The following MPDZ variants were observed in gnomAD, a reference collection of about 807,000 sequenced individuals.
The protein encoded by MPDZ is multiple PDZ domain protein.
A neutral mutation model predicts 239.1 loss-of-function variants in MPDZ; 234 were observed. That is an observed-to-expected ratio of 0.98 (90% CI 0.88 to 1.09). The LOEUF is 1.09. MPDZ is among the 50% of genes least tolerant of loss of function. MPDZ has a pLI of 0.00. For missense variants in MPDZ, 3,175 were observed against 2,510.0 expected (o/e 1.26, Z -5.66); for synonymous variants, 1,048 against 881.3 (o/e 1.19, Z -3.35).
chr9:13,164,088 T>A (rs966586766), intron 22 of MPDZ, among the ~76,000 whole-genome samples: 1 of 152,148 alleles, frequency 6.6e-6, no homozygotes, highest in African/African-American at 2.4e-5. Flanking sequence ...GTGAGTGCTA[T>A]CACAGGTCAT....
chr9:13,108,543 C>T (rs772534237), intron 46 of MPDZ, among the ~76,000 whole-genome samples: 3 of 151,940 alleles, frequency 2.0e-5, no homozygotes, highest in Non-Finnish European at 4.4e-5. Flanking sequence ...TTCTCTATAA[C>T]TATTTTATAT....
At chr9:13,235,513 T>A (rs1963710604) in intron 3 of MPDZ, among the ~76,000 whole-genome samples, 2 of 152,164 alleles carry the variant, frequency 1.3e-5, no homozygotes, top group South Asian at 2.1e-4. Context: ...TAGGCTTAGT[T>A]CACTCAGATA....
chr9:13,200,795 T>C (rs1295046058), intron 12 of MPDZ, among the ~76,000 whole-genome samples: 1 of 152,134 alleles, frequency 6.6e-6, no homozygotes, highest in African/African-American at 2.4e-5. Flanking sequence ...GATTTTGATA[T>C]TTTAAGATTT....
At chr9:13,169,645 G>A (rs1047793557) in intron 21 of MPDZ, among the ~76,000 whole-genome samples, 3 of 152,020 alleles carry the variant, frequency 2.0e-5, no homozygotes, top group African/African-American at 7.2e-5. Flanking sequence ...AGAAGACAGA[G>A]AGGCCATTAC....
chr9:13,172,252 A>G (rs1206533563), intron 21 of MPDZ, among the ~76,000 whole-genome samples: 1 of 152,148 alleles, frequency 6.6e-6, no homozygotes, highest in Non-Finnish European at 1.5e-5. Flanking sequence ...CTATAAACAT[A>G]TTGGGCATAG....
chr9:13,276,134 T>C (rs1974130926), intron 1 of MPDZ, among the ~76,000 whole-genome samples: 1 of 152,204 alleles, frequency 6.6e-6, no homozygotes, highest in Non-Finnish European at 1.5e-5. Context: ...AGCAGAATCA[T>C]GTTTATTCTG....
chr9:13,241,795 C>A (rs1372710155), intron 3 of MPDZ, among the ~76,000 whole-genome samples: 1 of 152,140 alleles, frequency 6.6e-6, no homozygotes, highest in East Asian at 1.9e-4. Flanking sequence ...AGCAACATAC[C>A]TCAACACTTT....
intron 3 of MPDZ, among the ~76,000 whole-genome samples, chr9:13,229,491 A>C (rs1462288643): frequency 6.6e-6 from 1 of 151,828 alleles, no homozygotes; most frequent in Admixed American, 6.6e-5. Flanking sequence ...AAAAACAATA[A>C]AGGTCAGATG....
intron 34 of MPDZ, among the ~76,000 whole-genome samples, chr9:13,126,099 A>T (rs1945073353): frequency 6.6e-6 from 1 of 152,188 alleles, no homozygotes; most frequent in South Asian, 2.1e-4. Flanking sequence ...GAGGGAACTC[A>T]AGTACAAGAT....
At chr9:13,114,234 T>C (rs541428747) in intron 40 of MPDZ, among the ~76,000 whole-genome samples, 1 of 152,170 alleles carries the variant, frequency 6.6e-6, no homozygotes, top group Non-Finnish European at 1.5e-5. Context: ...GCTAAAAGGG[T>C]AGATGAAATT....
At chr9:13,230,707 A>G (rs1164431261) in intron 3 of MPDZ, among the ~76,000 whole-genome samples, 1 of 152,152 alleles carries the variant, frequency 6.6e-6, no homozygotes, top group Non-Finnish European at 1.5e-5. Context: ...TTGTGGGGAT[A>G]GCTAGGTTAA....
intron 1 of MPDZ, among the ~76,000 whole-genome samples, chr9:13,269,192 T>C (rs1199842604): frequency 2.0e-5 from 3 of 152,090 alleles, no homozygotes; most frequent in Non-Finnish European, 4.4e-5. Flanking sequence ...TCCCAGTGAT[T>C]TTAATCTGGG....
chr9:13,111,384 A>G (rs890608693), intron 43 of MPDZ, among the ~76,000 whole-genome samples: 3 of 152,216 alleles, frequency 2.0e-5, no homozygotes, highest in Non-Finnish European at 4.4e-5. Flanking sequence ...TTCCCAGCCT[A>G]AAGACTATTT....
At chr9:13,139,055 T>C (rs1380670479) in intron 28 of MPDZ, among the ~76,000 whole-genome samples, 1 of 152,230 alleles carries the variant, frequency 6.6e-6, no homozygotes, top group East Asian at 1.9e-4. Context: ...CTAGTGTCAC[T>C]GAGAACAGAC....
At chr9:13,142,636 G>T (rs1033680731) in intron 27 of MPDZ, among the ~76,000 whole-genome samples, 2 of 152,060 alleles carry the variant, frequency 1.3e-5, no homozygotes, top group Non-Finnish European at 2.9e-5. Context: ...AAACCTTAAA[G>T]GGTGTGGGAG....
At chr9:13,243,713 A>G (rs886344682) in intron 3 of MPDZ, among the ~76,000 whole-genome samples, 1 of 152,242 alleles carries the variant, frequency 6.6e-6, no homozygotes, top group Non-Finnish European at 1.5e-5. Context: ...AGTTATTTCA[A>G]GAGTTGTCAT....
At chr9:13,116,319 T>C (rs1263781625) in intron 39 of MPDZ, among the ~76,000 whole-genome samples, 1 of 152,218 alleles carries the variant, frequency 6.6e-6, no homozygotes, top group Admixed American at 6.5e-5. Context: ...CCTTAATAAA[T>C]CTTTTACTCT....
intron 22 of MPDZ, among the ~76,000 whole-genome samples, chr9:13,165,108 G>T (rs1950914550): frequency 6.6e-6 from 1 of 152,082 alleles, no homozygotes; most frequent in East Asian, 1.9e-4. Flanking sequence ...CCCTTACAAA[G>T]GAGCTTGAAA....
intron 24 of MPDZ, among the ~76,000 whole-genome samples, chr9:13,155,997 C>A (rs1949769310): frequency 6.6e-6 from 1 of 152,116 alleles, no homozygotes; most frequent in Non-Finnish European, 1.5e-5. Context: ...ATTTTCCAGT[C>A]CAGAAGTTAT....
Sources: gnomAD v4.1 joint callset for allele counts (sites outside exome capture counted in the v4.1 genomes callset) on GRCh38, gnomAD v4.1.1 for gene constraint, MANE v1.5 for transcripts, NCBI Gene and HGNC (gene_info 2026-07-23, HGNC 2026-07-21) for gene names.